The following PARVA variants were observed in gnomAD, a reference collection of about 807,000 sequenced individuals.
PARVA encodes the protein parvin alpha, also known as alpha-parvin.
In PARVA, 25 loss-of-function variants were observed where a neutral mutation model predicts 52.6. The observed-to-expected ratio is 0.48, with a 90% CI of 0.35 to 0.66. The LOEUF (loss-of-function observed/expected upper bound fraction) is 0.66. PARVA is among the 30% of genes least tolerant of loss of function. The pLI, the probability that PARVA is intolerant of heterozygous loss-of-function variation, is 0.01. For synonymous variants in PARVA, 185 were observed against 179.1 expected (o/e 1.03, Z -0.26); for missense variants, 373 against 450.9 (o/e 0.83, Z 1.56).
intron 1 of PARVA, among the ~76,000 whole-genome samples, chr11:12,412,799 T>C (rs1160918528): frequency 2.6e-5 from 4 of 152,248 alleles, no homozygotes; most frequent in Non-Finnish European, 5.9e-5. Flanking sequence ...GACTTCCTAA[T>C]TTCCCTTTCC....
intron 7 of PARVA, among the ~76,000 whole-genome samples, chr11:12,510,292 G>A (rs541197013): frequency 3.3e-4 from 51 of 152,290 alleles, no homozygotes; most frequent in African/African-American, 1.2e-3. Context: ...TGACAGGTGT[G>A]CTGATGGATA....
intron 1 of PARVA, among the ~76,000 whole-genome samples, chr11:12,450,713 G>A (rs1940611514): frequency 6.6e-6 from 1 of 152,176 alleles, no homozygotes; most frequent in Admixed American, 6.5e-5. Context: ...GTGGCCAAAG[G>A]CCTGAGAGCC....
chr11:12,417,243 C>T (rs908201459), intron 1 of PARVA, among the ~76,000 whole-genome samples: 3 of 151,808 alleles, frequency 2.0e-5, no homozygotes, highest in Non-Finnish European at 2.9e-5. Flanking sequence ...GCATTGTTCA[C>T]ACTTGTGAAA....
At chr11:12,507,567 C>T (rs577662224) in intron 6 of PARVA, among the ~76,000 whole-genome samples, 1 of 152,242 alleles carries the variant, frequency 6.6e-6, no homozygotes, top group East Asian at 1.9e-4. Flanking sequence ...TTGGCTGGGG[C>T]CATTCCTCCC....
At chr11:12,482,640 G>C (rs1941104153) in intron 4 of PARVA, among the ~76,000 whole-genome samples, 1 of 143,164 alleles carries the variant, frequency 7.0e-6, no homozygotes, top group South Asian at 2.3e-4. Flanking sequence ...AAAAAAAAAA[G>C]GAAAGAGGTT....
At chr11:12,475,163 G>T (rs1940992501) in intron 3 of PARVA, among the ~76,000 whole-genome samples, 1 of 152,206 alleles carries the variant, frequency 6.6e-6, no homozygotes, top group Non-Finnish European at 1.5e-5. Context: ...TGCCAGAACT[G>T]CTGCTCCCAG....
intron 1 of PARVA, among the ~76,000 whole-genome samples, chr11:12,457,879 T>A (rs1203204005): frequency 6.6e-6 from 1 of 152,216 alleles, no homozygotes; most frequent in South Asian, 2.1e-4. Context: ...GCCTTTGCCA[T>A]GAAGCCCTCC....
At chr11:12,496,905 A>G (rs1941306508) in intron 5 of PARVA, among the ~76,000 whole-genome samples, 1 of 152,232 alleles carries the variant, frequency 6.6e-6, no homozygotes, top group Non-Finnish European at 1.5e-5. Context: ...GTCCCAGCAC[A>G]GCCTTTTGAG....
chr11:12,468,960 C>T (rs562799307), intron 1 of PARVA, among the ~76,000 whole-genome samples: 3 of 152,260 alleles, frequency 2.0e-5, no homozygotes, highest in African/African-American at 7.2e-5. Flanking sequence ...ACCACTGCTA[C>T]AGGGATCAAG....
chr11:12,416,973 G>A (rs966738696), intron 1 of PARVA, among the ~76,000 whole-genome samples: 3 of 152,146 alleles, frequency 2.0e-5, no homozygotes, highest in African/African-American at 7.2e-5. Flanking sequence ...AAATAAAATT[G>A]TGTATCTTTT....
intron 1 of PARVA, among the ~76,000 whole-genome samples, chr11:12,409,905 ATTCT>A (rs1469347268): frequency 6.6e-6 from 1 of 152,224 alleles, no homozygotes; most frequent in Admixed American, 6.5e-5. Flanking sequence ...TGCAATTTTA[ATTCT>A]TTCTTGAGTT....
At chr11:12,493,529 A>T (rs1020713902) in intron 4 of PARVA, among the ~76,000 whole-genome samples, 13 of 152,174 alleles carry the variant, frequency 8.5e-5, no homozygotes, top group Non-Finnish European at 5.9e-5. Flanking sequence ...GAAAGAAGTA[A>T]AGCAGAATTA....
chr11:12,532,309 G>T lies in PARVA; in HGVS notation c.*4384G>T, dbSNP rs1203194240. On this transcript the variant is annotated 3_prime_UTR_variant, in exon 13 of 13. Coordinates refer to ENST00000334956, the MANE Select transcript of PARVA (RefSeq NM_018222.5). Reference sequence around the variant, plus strand: ...GTTTAGGAAACATGAGGTGAAGAAAGTTAGCTTACTGACGCTTTTTGTTTT... The same window carrying T: ...GTTTAGGAAACATGAGGTGAAGAAATTTAGCTTACTGACGCTTTTTGTTTT... Among the ~76,000 whole-genome samples, 3 of 152,208 alleles carry T rather than the reference G, an allele frequency of 2.0e-5. No homozygotes were observed. Among genetic ancestry groups the T allele is most frequent in the Non-Finnish European group, 4.4e-5 (3 of 68,040 alleles).
chr11:12,498,434 G>A (rs944037983), intron 5 of PARVA, among the ~76,000 whole-genome samples: 5 of 152,156 alleles, frequency 3.3e-5, no homozygotes, highest in African/African-American at 1.2e-4. Context: ...ACGGGGAAAT[G>A]TGTGCAAGAA....
chr11:12,386,513 C>G (rs544125697), intron 1 of PARVA, among the ~76,000 whole-genome samples: 13 of 152,340 alleles, frequency 8.5e-5, no homozygotes, highest in African/African-American at 2.9e-4. Flanking sequence ...TGTCTATACT[C>G]TGTGCTAGCA....
At chr11:12,396,348 C>G (rs897007230) in intron 1 of PARVA, among the ~76,000 whole-genome samples, 1 of 152,164 alleles carries the variant, frequency 6.6e-6, no homozygotes, top group African/African-American at 2.4e-5. Context: ...TTTTTCTAGT[C>G]TTTAAAGGTG....
At chr11:12,508,318 T>A (rs1941461927) in intron 6 of PARVA, among the ~76,000 whole-genome samples, 1 of 152,126 alleles carries the variant, frequency 6.6e-6, no homozygotes, top group African/African-American at 2.4e-5. Context: ...CAGCAGCATG[T>A]CTTCCAATAA....
At chr11:12,397,313 T>A (rs1939762510) in intron 1 of PARVA, among the ~76,000 whole-genome samples, 1 of 152,232 alleles carries the variant, frequency 6.6e-6, no homozygotes, top group Admixed American at 6.5e-5. Flanking sequence ...TCCCTCTGCC[T>A]CAGCCTCTCC....
At chr11:12,405,147 A>T (rs1939885084) in intron 1 of PARVA, among the ~76,000 whole-genome samples, 1 of 152,210 alleles carries the variant, frequency 6.6e-6, no homozygotes, top group Non-Finnish European at 1.5e-5. Flanking sequence ...TGGGCAAGAA[A>T]AAAGAGTCCA....
Sources: allele counts gnomAD v4.1 joint callset (sites outside exome capture counted in the v4.1 genomes callset), GRCh38; gene constraint gnomAD v4.1.1; transcripts MANE v1.5; gene names NCBI Gene and HGNC (gene_info 2026-07-23, HGNC 2026-07-21).